The following KIF1B variants were observed in gnomAD, a reference collection of about 807,000 sequenced individuals.
KIF1B encodes the protein kinesin-like protein KIF1B.
KIF1B carries 76 observed loss-of-function variants against 241.9 expected under a neutral mutation model. That is an observed-to-expected ratio of 0.31 (90% CI 0.26 to 0.38). The LOEUF is 0.38. Among genes scored for constraint, KIF1B ranks in the 10% least tolerant of loss-of-function variants. The pLI, the probability that KIF1B is intolerant of heterozygous loss-of-function variation, is 1.00. For missense variants in KIF1B, 1,622 were observed against 2,271.4 expected (o/e 0.71, Z 5.81); for synonymous variants, 750 against 796.7 (o/e 0.94, Z 0.99).
In KIF1B at chr1:10,381,124, T is replaced by C. The variant is rs1166824835; in HGVS notation, c.*4537T>C. On this transcript the variant is annotated 3_prime_UTR_variant, in exon 49 of 49. Transcript: ENST00000676179. ...TGTGTTGTTCTTCATGTCTTCGAGT[T>C]CATTTTTTTTCATTCTGCCTATTCT... 4.5e-6 allele frequency: 1 copy of C among 221,328 alleles called. No homozygotes were observed. The highest frequency in any genetic ancestry group is 9.1e-6 in the Non-Finnish European group (1 of 110,454). The allele number at this position is 221,328 out of a possible 1,614,324, so 13.7% of individuals were successfully genotyped here.
chr1:10,223,802 C>T (rs1646876678), intron 1 of KIF1B, among the ~76,000 whole-genome samples: 3 of 152,032 alleles, frequency 2.0e-5, no homozygotes. Context: ...CCTCGGCCTC[C>T]CAAAGTGCTG....
chr1:10,259,974 T>C (rs1447271033), intron 4 of KIF1B, among the ~76,000 whole-genome samples: 3 of 152,090 alleles, frequency 2.0e-5, no homozygotes, highest in Non-Finnish European at 4.4e-5. Flanking sequence ...AAAAAAAGAT[T>C]AAGTGAGAAG....
At chr1:10,370,293 G>A (rs1638692837) in intron 44 of KIF1B, among the ~76,000 whole-genome samples, 1 of 152,000 alleles carries the variant, frequency 6.6e-6, no homozygotes, top group African/African-American at 2.4e-5. Flanking sequence ...CAGTGACAGT[G>A]GCTCACATCT....
Position 10,379,228 on chromosome 1 carries a change from TTTTG to T in KIF1B, c.*2645_*2648del, listed in dbSNP as rs371828074. On this transcript the variant is annotated 3_prime_UTR_variant, in exon 49 of 49. Transcript: ENST00000676179. ...AAATTATGTGATACACTGAAATGAC[TTTTG>T]TTTTTCTTCTAACTCATACAAAACT... 15 of 232,334 alleles carry T rather than the reference TTTTG, an allele frequency of 6.5e-5. No homozygotes were observed. The highest frequency in any genetic ancestry group is 3.1e-4 in the African/African-American group (14 of 45,388). 14.4% of individuals were successfully genotyped at this position (232,334 alleles called of 1,614,324 possible).
intron 2 of KIF1B, among the ~76,000 whole-genome samples, chr1:10,234,389 G>A (rs1247483525): frequency 6.6e-6 from 1 of 151,392 alleles, no homozygotes; most frequent in Non-Finnish European, 1.5e-5. Context: ...TGTGTTTTTA[G>A]TAGAGATGGA....
At chr1:10,350,915 G>A (rs1652768554) in intron 37 of KIF1B, among the ~76,000 whole-genome samples, 1 of 151,956 alleles carries the variant, frequency 6.6e-6, no homozygotes, top group African/African-American at 2.4e-5. Flanking sequence ...TAGACAACAT[G>A]GCAAAACCCT....
intron 34 of KIF1B, among the ~76,000 whole-genome samples, chr1:10,343,716 C>T (rs1260479673): frequency 2.0e-5 from 3 of 152,142 alleles, no homozygotes; most frequent in Non-Finnish European, 4.4e-5. Flanking sequence ...TGAGATTGCA[C>T]CTTTGCACTC....
intron 37 of KIF1B, among the ~76,000 whole-genome samples, chr1:10,349,231 G>C (rs1358922657): frequency 6.6e-6 from 1 of 151,982 alleles, no homozygotes; most frequent in Non-Finnish European, 1.5e-5. Context: ...TTGAGCCCAG[G>C]GGTTTGTGCC....
intron 22 of KIF1B, among the ~76,000 whole-genome samples, chr1:10,312,392 A>G (rs1278345344): frequency 1.3e-5 from 2 of 151,378 alleles, no homozygotes; most frequent in Admixed American, 1.3e-4. Context: ...CCTCATGACC[A>G]TTCTTCTTAT....
At chr1:10,358,085 C>G (rs1194435917) in intron 38 of KIF1B, among the ~76,000 whole-genome samples, 3 of 142,728 alleles carry the variant, frequency 2.1e-5, no homozygotes, top group Non-Finnish European at 3.0e-5. Flanking sequence ...ACAGAACTTG[C>G]TGCAGCAAGT....
rs1252446794 is a variant in KIF1B, at chr1:10,380,377, G to A, written c.*3790G>A. ...ACTTAGGTCTTTCAGTTTTCCTTTC[G>A]GTTCCCTTTTAAAAATGTGATTGTT... On this transcript the variant is annotated 3_prime_UTR_variant, in exon 49 of 49. Transcript: ENST00000676179. 2.0e-5 allele frequency: 4 copies of A among 198,268 alleles called. No individual in the cohort carries two copies. The highest frequency in any genetic ancestry group is 1.6e-4 in the East Asian group (2 of 12,716). The allele number at this position is 198,268 out of a possible 1,614,324, so 12.3% of individuals were successfully genotyped here.
chr1:10,287,015 G>A (rs1426499067), intron 15 of KIF1B, among the ~76,000 whole-genome samples: 2 of 152,204 alleles, frequency 1.3e-5, no homozygotes, highest in Non-Finnish European at 2.9e-5. Flanking sequence ...TGATGCTCCT[G>A]AGACTGAATG....
chr1:10,246,036 A>T (rs958214230), intron 2 of KIF1B, among the ~76,000 whole-genome samples: 4 of 152,112 alleles, frequency 2.6e-5, no homozygotes, highest in African/African-American at 9.7e-5. Context: ...TGTCATTGAG[A>T]TGGTGATAAC....
intron 2 of KIF1B, among the ~76,000 whole-genome samples, chr1:10,251,089 C>T (rs1647415359): frequency 6.6e-6 from 1 of 152,058 alleles, no homozygotes; most frequent in Non-Finnish European, 1.5e-5. Flanking sequence ...TCGCTTGAAC[C>T]TAGGAGACAG....
In KIF1B at chr1:10,365,317, C is replaced by G. The variant is rs749025158; in HGVS notation, c.4512+72C>G. The G allele has an allele frequency of 6.2e-7, 1 of 1,613,188 alleles. No individual in the cohort carries two copies. The highest frequency in any genetic ancestry group is 8.5e-7 in the Non-Finnish European group (1 of 1,179,418). The stretch of plus-strand genomic sequence containing the variant: ...TTGCCAAAGTATCAGTCTTCCTCCC[C>G]GCTGCTGCATGTGATCATAGCTTTT... On this transcript the variant is annotated intron_variant, in intron 42 of 48. Transcript: ENST00000676179. The surrounding 1 kb of genome is among the most constrained non-coding windows in gnomAD (Gnocchi z 4.0).
chr1:10,248,448 A>G (rs1557663325), intron 2 of KIF1B, among the ~76,000 whole-genome samples: 3 of 152,012 alleles, frequency 2.0e-5, no homozygotes, highest in African/African-American at 7.3e-5. Flanking sequence ...TGATCCTCCT[A>G]CCTCAGCCTC....
intron 9 of KIF1B, 150 bp from the exon 10 acceptor site, chr1:10,272,864 C>G: frequency 3.4e-6 from 2 of 591,274 alleles, no homozygotes; most frequent in Non-Finnish European, 2.9e-6. Flanking sequence ...AGTTTAAAAC[C>G]TCTTTTTAAT....
intron 1 of KIF1B, among the ~76,000 whole-genome samples, chr1:10,228,358 GT>G (rs199705409): frequency 6.8e-6 from 1 of 147,818 alleles, no homozygotes; most frequent in African/African-American, 2.5e-5. Context: ...TATTAATGAA[GT>G]TTTTAAAAAA....
At position 10,348,697 on chromosome 1, in the gene KIF1B, G is replaced by A. The variant is rs762078299; in HGVS notation, c.3913G>A (p.Glu1305Lys). Residue 1305 changes from glutamate (E) to lysine (K), a missense_variant, in exon 37 of 49, where the codon GAG becomes AAG. By Grantham distance (56) the Glu-to-Lys change is moderately conservative. Coordinates refer to ENST00000676179, the MANE Select transcript of KIF1B (RefSeq NM_001365951.3). ...TVTIIHEKGS[E>K]LHWKDVRELV... ...GACCATTATCCATGAGAAGGGGAGC[G>A]AGCTCCATTGGAAAGATGTTCGTGA... is the stretch of plus-strand genomic sequence containing the variant. The A allele has an allele frequency of 5.6e-6, 9 of 1,614,020 alleles. No homozygotes were observed. In the South Asian group the frequency reaches 6.6e-5, roughly 12 times the overall value.
Sources: gnomAD v4.1 joint callset for allele counts (sites outside exome capture counted in the v4.1 genomes callset) on GRCh38, gnomAD v4.1.1 for gene constraint, Gnocchi (gnomAD v3.1) non-coding constraint, MANE v1.5 for transcripts, NCBI Gene and HGNC (gene_info 2026-07-23, HGNC 2026-07-21) for gene names.